SAMD12: variants seen among roughly 807,000 people sequenced by gnomAD.
SAMD12 encodes the protein sterile alpha motif domain containing 12, also known as sterile alpha motif domain-containing protein 12.
In SAMD12, 9 loss-of-function variants were observed where a neutral mutation model predicts 15.0. The ratio of observed to expected loss-of-function variants is 0.60; its 90% CI spans 0.36 to 1.05. The LOEUF is 1.05. Ranked by LOEUF, SAMD12 falls within the 50% of genes least tolerant of loss-of-function variation. SAMD12 has a pLI of 0.01. For synonymous variants in SAMD12, 86 were observed against 90.1 expected (o/e 0.96, Z 0.25); for missense variants, 230 against 234.2 (o/e 0.98, Z 0.12).
intron 2 of SAMD12, among the ~76,000 whole-genome samples, chr8:118,534,588 C>T (rs548093387): frequency 2.0e-4 from 31 of 152,170 alleles, no homozygotes; most frequent in African/African-American, 6.5e-4. Context: ...ACCAATCAGA[C>T]GTAGATCTTG....
At chr8:118,218,791 T>C (rs1812020689) in intron 4 of SAMD12, among the ~76,000 whole-genome samples, 1 of 152,198 alleles carries the variant, frequency 6.6e-6, no homozygotes. Context: ...CTTAGCTTGA[T>C]TCCATATCTT....
intron 2 of SAMD12, among the ~76,000 whole-genome samples, chr8:118,505,564 C>T (rs1014655652): frequency 2.0e-5 from 3 of 151,794 alleles, no homozygotes; most frequent in African/African-American, 4.8e-5. Flanking sequence ...TATGATGAGT[C>T]GAACTGAAAC....
intron 1 of SAMD12, among the ~76,000 whole-genome samples, chr8:118,616,668 T>C (rs1190995498): frequency 1.3e-5 from 2 of 152,344 alleles, no homozygotes; most frequent in Admixed American, 1.3e-4. Context: ...ACCTGCCTGC[T>C]GCAGGAGCCC....
At chr8:118,161,510 C>T in the SAMD12 span, among the ~76,000 whole-genome samples, 13 of 148,056 alleles carry the variant, frequency 8.8e-5, no homozygotes, top group Non-Finnish European at 1.3e-4. Flanking sequence ...TGCAGTGAGC[C>T]GCTGTGATCA....
At chr8:118,412,999 C>T (rs1821488531) in intron 3 of SAMD12, among the ~76,000 whole-genome samples, 1 of 152,094 alleles carries the variant, frequency 6.6e-6, no homozygotes. Context: ...TCTTCTCTGG[C>T]ACCTCCACAC....
At chr8:118,392,438 CAAACAAAAACAAA>C (rs1424099677) in intron 3 of SAMD12, among the ~76,000 whole-genome samples, 9 of 152,048 alleles carry the variant, frequency 5.9e-5, no homozygotes, top group Admixed American at 5.9e-4. Flanking sequence ...TCAAGACAAA[CAAACAAAAACAAA>C]AAACAAAAAA....
chr8:118,388,651 A>T (rs1246893369), intron 3 of SAMD12, among the ~76,000 whole-genome samples: 1 of 152,154 alleles, frequency 6.6e-6, no homozygotes, highest in Non-Finnish European at 1.5e-5. Context: ...CTAAAAAGAT[A>T]CTTGTTAAAT....
At chr8:118,272,984 C>G (rs1813402586) in intron 4 of SAMD12, among the ~76,000 whole-genome samples, 1 of 152,150 alleles carries the variant, frequency 6.6e-6, no homozygotes, top group African/African-American at 2.4e-5. Context: ...TGCCTGTTAC[C>G]CAGTTCCAAA....
At chr8:118,613,143 T>C (rs1044250599) in intron 1 of SAMD12, among the ~76,000 whole-genome samples, 12 of 152,210 alleles carry the variant, frequency 7.9e-5, no homozygotes, top group Admixed American at 5.9e-4. Flanking sequence ...TACAAGACTA[T>C]ACATTTACCA....
chr8:118,138,221 G>A, the SAMD12 span, among the ~76,000 whole-genome samples: 6 of 152,014 alleles, frequency 3.9e-5, no homozygotes, highest in Admixed American at 1.3e-4. Flanking sequence ...GACTCGAAGC[G>A]GGCTGAATAT....
At chr8:118,148,107 T>C in the SAMD12 span, among the ~76,000 whole-genome samples, 17 of 151,872 alleles carry the variant, frequency 1.1e-4, no homozygotes, top group Non-Finnish European at 1.5e-5. Context: ...TTTGTATTTT[T>C]TTGGTAGAGA....
chr8:118,433,190 G>C (rs1822466162), intron 3 of SAMD12, among the ~76,000 whole-genome samples: 1 of 152,190 alleles, frequency 6.6e-6, no homozygotes, highest in Non-Finnish European at 1.5e-5. Flanking sequence ...GTCCTCACTT[G>C]AGACCTGTGT....
chr8:118,135,440 A>G, the SAMD12 span, among the ~76,000 whole-genome samples: 3 of 152,180 alleles, frequency 2.0e-5, no homozygotes, highest in African/African-American at 7.2e-5. Context: ...TCAGCCTCCC[A>G]AAGTGCTGGG....
chr8:118,248,631 C>CT (rs34819632), intron 4 of SAMD12, among the ~76,000 whole-genome samples: 53,505 of 149,724 alleles, frequency 0.36, 10,885 homozygotes, highest in East Asian at 0.68. Context: ...GAATAGATGA[C>CT]TTTTTTTTTT....
chr8:118,185,157 G>A (rs1055643275), downstream of SAMD12, among the ~76,000 whole-genome samples: 18 of 152,014 alleles, frequency 1.2e-4, no homozygotes, highest in Non-Finnish European at 2.5e-4. Flanking sequence ...ATACCCTTTA[G>A]AATTAAGAAG....
chr8:118,199,236 T>C lies in SAMD12; in HGVS notation c.434-1504A>G, dbSNP rs369618429. 4.6e-5 allele frequency among the ~76,000 whole-genome samples: 7 copies of C among 152,304 alleles called. No individual in the cohort carries two copies. In the East Asian group the frequency reaches 7.7e-4, roughly 17 times the overall value. On this transcript the variant is annotated intron_variant, in intron 4 of 4. Transcript: ENST00000409003. ...AAATTAGGCTCACAGGGTTGCAGGA[T>C]TGCCCCATGACTAACTAAAGCATCA...
At position 118,586,344 on chromosome 8, in the gene SAMD12, C is replaced by CTT. The variant is rs869191799; in HGVS notation, c.14-5453_14-5452dup. 5.8e-3 allele frequency among the ~76,000 whole-genome samples: 806 copies of CTT among 139,890 alleles called. 11 individuals carry two copies. Among genetic ancestry groups the CTT allele is most frequent in the African/African-American group, 0.02 (746 of 37,858 alleles). 91.8% of individuals were successfully genotyped at this position (139,890 alleles called of 152,430 possible). On this transcript the variant is annotated intron_variant, in intron 1 of 3. Transcript: ENST00000314727. ...AAAAACACTTCTCCTCTTTTTCTTT[C>CTT]TTTTTTTTTTTTTTTTGAGACAGTG...
chr8:118,464,506 A>C (rs1222829621), intron 2 of SAMD12, among the ~76,000 whole-genome samples: 2 of 152,222 alleles, frequency 1.3e-5, no homozygotes, highest in Non-Finnish European at 2.9e-5. Context: ...TATACTTGGG[A>C]AAATGGTACT....
chr8:118,321,144 AAT>A (rs4053452), intron 4 of SAMD12, among the ~76,000 whole-genome samples: 5,233 of 93,060 alleles, frequency 0.056, 150 homozygotes, highest in Non-Finnish European at 0.078. Flanking sequence ...ATAGATAATA[AAT>A]ATATATATAT....
Sources: allele counts gnomAD v4.1 joint callset (sites outside exome capture counted in the v4.1 genomes callset), GRCh38; gene constraint gnomAD v4.1.1; transcripts MANE v1.5; gene names NCBI Gene and HGNC (gene_info 2026-07-23, HGNC 2026-07-21).